NPAS3: variants seen among roughly 807,000 people sequenced by gnomAD.
NPAS3 encodes the protein neuronal PAS domain-containing protein 3.
Under a neutral mutation model 73.1 loss-of-function variants are expected in NPAS3, and 14 were observed. The ratio of observed to expected loss-of-function variants is 0.19; its 90% CI spans 0.13 to 0.30. The LOEUF (loss-of-function observed/expected upper bound fraction) is 0.30, where lower values mean the gene tolerates loss of function less well. NPAS3 is among the 10% of genes least tolerant of loss of function. NPAS3 has a pLI of 1.00. For missense variants in NPAS3, 1,096 were observed against 1,250.0 expected (o/e 0.88, Z 1.86); for synonymous variants, 620 against 541.5 (o/e 1.14, Z -2.01).
At chr14:33,372,352 C>T (rs2046126750) in intron 4 of NPAS3, among the ~76,000 whole-genome samples, 1 of 152,102 alleles carries the variant, frequency 6.6e-6, no homozygotes, top group Admixed American at 6.6e-5. Context: ...CTGTGCATAT[C>T]TAATTAGCCG....
chr14:33,783,957 T>C (rs1415089451), intron 9 of NPAS3, among the ~76,000 whole-genome samples: 4 of 152,170 alleles, frequency 2.6e-5, no homozygotes, highest in Non-Finnish European at 5.9e-5. Context: ...TCCTCTCAAA[T>C]TGGATGAATT....
intron 2 of NPAS3, among the ~76,000 whole-genome samples, chr14:33,105,730 C>T (rs1477839296): frequency 6.6e-6 from 1 of 151,646 alleles, no homozygotes; most frequent in Admixed American, 6.6e-5. Context: ...TTCAGGCATA[C>T]ATATTGAACA....
At chr14:33,184,123 G>A (rs148223265) in intron 2 of NPAS3, among the ~76,000 whole-genome samples, 222 of 152,286 alleles carry the variant, frequency 1.5e-3, no homozygotes, top group African/African-American at 5.1e-3. Flanking sequence ...AGTCAGGAAC[G>A]AAGTCAAACA....
intron 2 of NPAS3, among the ~76,000 whole-genome samples, chr14:33,193,860 T>C (rs1002999748): frequency 6.6e-6 from 1 of 152,214 alleles, no homozygotes; most frequent in Non-Finnish European, 1.5e-5. Flanking sequence ...CATCACCTTT[T>C]TTTGTTTCAT....
chr14:33,413,513 C>A (rs968197032), intron 4 of NPAS3, among the ~76,000 whole-genome samples: 3 of 152,000 alleles, frequency 2.0e-5, no homozygotes, highest in African/African-American at 7.2e-5. Flanking sequence ...CCAGAGTGAG[C>A]CCTTTAGCTG....
intron 4 of NPAS3, among the ~76,000 whole-genome samples, chr14:33,472,837 A>T (rs752616745): frequency 8.0e-5 from 12 of 150,836 alleles, no homozygotes; most frequent in Non-Finnish European, 1.6e-4. Context: ...CAGAAAAAAA[A>T]AGACATTTAT....
intron 1 of NPAS3, among the ~76,000 whole-genome samples, chr14:32,946,967 G>C (rs866131043): frequency 6.6e-6 from 1 of 152,292 alleles, no homozygotes; most frequent in South Asian, 2.1e-4. Flanking sequence ...TTAAAGGGCT[G>C]TGAGTTGGGT....
chr14:33,558,005 T>C (rs12887824), intron 4 of NPAS3, among the ~76,000 whole-genome samples: 124,864 of 152,206 alleles, frequency 0.82, 51,345 homozygotes, highest in Admixed American at 0.83. Context: ...AATACTATAA[T>C]TTCATATAGT....
chr14:33,540,167 A>G (rs2054446017), intron 4 of NPAS3, among the ~76,000 whole-genome samples: 3 of 152,198 alleles, frequency 2.0e-5, no homozygotes, highest in Admixed American at 1.3e-4. Context: ...TTGTAATGAG[A>G]ATGTGAGGAT....
At chr14:33,684,344 C>T (rs1276918196) in intron 6 of NPAS3, among the ~76,000 whole-genome samples, 1 of 151,842 alleles carries the variant, frequency 6.6e-6, no homozygotes, top group Non-Finnish European at 1.5e-5. Flanking sequence ...TGGAGTCTCG[C>T]TCTGTCGCCC....
At chr14:33,324,380 C>T (rs573249633) in intron 3 of NPAS3, among the ~76,000 whole-genome samples, 137 of 152,208 alleles carry the variant, frequency 9.0e-4, no homozygotes, top group Admixed American at 1.1e-3. Flanking sequence ...TTAACAATAG[C>T]AATAACAAAG....
At chr14:33,350,244 A>G (rs910629227) in intron 3 of NPAS3, among the ~76,000 whole-genome samples, 1 of 152,230 alleles carries the variant, frequency 6.6e-6, no homozygotes, top group Non-Finnish European at 1.5e-5. Flanking sequence ...TTGTAACTAG[A>G]TAAATAGCCA....
intron 1 of NPAS3, among the ~76,000 whole-genome samples, chr14:33,047,509 C>G (rs1337357461): frequency 6.6e-6 from 1 of 152,066 alleles, no homozygotes; most frequent in Non-Finnish European, 1.5e-5. Context: ...TTCTAATGAG[C>G]CTTGGACACA....
At chr14:33,095,642 C>A (rs986183892) in intron 2 of NPAS3, among the ~76,000 whole-genome samples, 13 of 140,962 alleles carry the variant, frequency 9.2e-5, no homozygotes, top group African/African-American at 3.2e-4. Context: ...TACACAAAGG[C>A]GTGGGCATTC....
intron 4 of NPAS3, among the ~76,000 whole-genome samples, chr14:33,478,709 C>G (rs1016833094): frequency 6.6e-6 from 1 of 152,080 alleles, no homozygotes; most frequent in African/African-American, 2.4e-5. Context: ...CTTGAATAGC[C>G]CTGTAATCTC....
chr14:33,293,425 A>C (rs1436046239), intron 3 of NPAS3, among the ~76,000 whole-genome samples: 2 of 152,226 alleles, frequency 1.3e-5, no homozygotes, highest in Non-Finnish European at 2.9e-5. Flanking sequence ...ATAGACAAGG[A>C]AGATACTGTT....
chr14:33,796,122 A>G (rs980470900), intron 10 of NPAS3, among the ~76,000 whole-genome samples: 5 of 152,238 alleles, frequency 3.3e-5, no homozygotes, highest in South Asian at 2.1e-4. Flanking sequence ...CTGGCAATAT[A>G]GCAACTACAG....
At chr14:33,357,813 T>A (rs1289699247) in intron 3 of NPAS3, among the ~76,000 whole-genome samples, 2 of 152,150 alleles carry the variant, frequency 1.3e-5, no homozygotes, top group Non-Finnish European at 2.9e-5. Flanking sequence ...GGAGAACAAT[T>A]AAATCAGGGC....
intron 3 of NPAS3, among the ~76,000 whole-genome samples, chr14:33,280,044 G>C (rs751972225): frequency 6.6e-6 from 1 of 152,118 alleles, no homozygotes; most frequent in South Asian, 2.1e-4. Flanking sequence ...GAAGGCAAGC[G>C]TGTATGCTGA....
Sources: allele counts gnomAD v4.1 joint callset (sites outside exome capture counted in the v4.1 genomes callset), GRCh38; gene constraint gnomAD v4.1.1; transcripts MANE v1.5; gene names NCBI Gene and HGNC (gene_info 2026-07-23, HGNC 2026-07-21).